VAC14: variants seen among roughly 807,000 people sequenced by gnomAD.
VAC14 encodes the protein VAC14 component of PIKFYVE complex.
VAC14 carries 47 observed loss-of-function variants against 85.3 expected under a neutral mutation model. That is an observed-to-expected ratio of 0.55 (90% CI 0.44 to 0.70). The LOEUF is 0.70. Ranked by LOEUF, VAC14 falls within the 30% of genes least tolerant of loss-of-function variation. The probability of loss-of-function intolerance (pLI) is 0.00; values close to 1 mark genes in which losing one functional copy is unlikely to be tolerated. For missense variants in VAC14, 861 were observed against 1,004.3 expected (o/e 0.86, Z 1.93); for synonymous variants, 447 against 430.5 (o/e 1.04, Z -0.47).
chr16:70,758,992 C>A (rs954021257), intron 12 of VAC14, among the ~76,000 whole-genome samples: 4 of 152,190 alleles, frequency 2.6e-5, no homozygotes, highest in African/African-American at 9.7e-5. Context: ...TGGAGACTAA[C>A]GAGGTGTCAC....
At chr16:70,691,327 G>T (rs2142983193) in intron 18 of VAC14, 1 of 985,464 alleles carries the variant, frequency 1.0e-6, no homozygotes, top group South Asian at 4.7e-5. Flanking sequence ...TCACAGGGAA[G>T]CAGCCCTTCC....
At chr16:70,746,220 G>A (rs936385021) in intron 12 of VAC14, among the ~76,000 whole-genome samples, 5 of 151,940 alleles carry the variant, frequency 3.3e-5, no homozygotes, top group African/African-American at 7.3e-5. Flanking sequence ...ACCCATTCCC[G>A]CCCCCTCAGT....
chr16:70,785,993 TCAAAGA>T, intron 2 of VAC14, 124 bp from the exon 3 acceptor site: 1 of 1,339,352 alleles, frequency 7.5e-7, no homozygotes, highest in East Asian at 2.5e-5. Context: ...AGGGCTGGGC[TCAAAGA>T]CCCTTCCCAA....
chr16:70,753,011 G>GTGTGTGTGTGTGTGTGTGTGTGTGTGT (rs1555521573), intron 12 of VAC14, among the ~76,000 whole-genome samples: 30 of 143,062 alleles, frequency 2.1e-4, no homozygotes, highest in African/African-American at 7.3e-4. Context: ...AGGAGGAGGG[G>GTGTGTGTGTGTGTGTGTGTGTGTGTGT]GTGTGTGTGT....
chr16:70,790,523 C>T (rs540029961), intron 1 of VAC14, among the ~76,000 whole-genome samples: 1 of 152,256 alleles, frequency 6.6e-6, no homozygotes, highest in Admixed American at 6.5e-5. Context: ...GGGCAGTCTG[C>T]CCCAGTGGGT....
chr16:70,793,640 T>C (rs898963127), intron 1 of VAC14, among the ~76,000 whole-genome samples: 1 of 152,204 alleles, frequency 6.6e-6, no homozygotes, highest in African/African-American at 2.4e-5. Flanking sequence ...TGTCCCAACC[T>C]CTGTCCTAGG....
intron 9 of VAC14, 25 bp from the exon 10 acceptor site, chr16:70,772,197 G>C (rs374606246): frequency 6.2e-7 from 1 of 1,606,558 alleles, no homozygotes; most frequent in Non-Finnish European, 8.5e-7. Context: ...GGAACAAGGG[G>C]TCATGAAAGG....
chr16:70,740,878 T>C (rs1353478469), intron 13 of VAC14, among the ~76,000 whole-genome samples: 1 of 151,998 alleles, frequency 6.6e-6, no homozygotes. Flanking sequence ...GAGAGGAAAA[T>C]CCCATGTGGG....
At position 70,744,552 on chromosome 16, in the gene VAC14, C is replaced by G; in HGVS notation, c.1399G>C (p.Ala467Pro). The G allele has an allele frequency of 1.2e-6, 2 of 1,606,692 alleles. No individual in the cohort carries two copies. The highest frequency in any genetic ancestry group is 1.7e-6 in the Non-Finnish European group (2 of 1,176,896). ...EVILKDLEVLAEIASSPAGQT... is the reference protein window; with the variant it reads ...EVILKDLEVLPEIASSPAGQT... The stretch of plus-strand genomic sequence containing the variant: ...CCTGCGGGGGAGGAAGCGATTTCTG[C>G]CAGCACCTCCAGGTCCTTCAGGATC... Residue 467 changes from alanine (A) to proline (P), a missense_variant, in exon 13 of 19, where the codon GCA (alanine) becomes CCA (proline). By Grantham distance (27) the Ala-to-Pro change is conservative. This residue lies in a region of VAC14 where 629 missense variants were observed against 703.1 expected (regional missense o/e 0.89). Transcript: ENST00000261776.
Position 70,694,641 on chromosome 16 carries a change from G to A in VAC14, c.2035+903C>T, listed in dbSNP as rs549634050. Among the ~76,000 whole-genome samples the A allele has an allele frequency of 4.6e-5, 7 of 152,328 alleles. No homozygotes were observed. In the East Asian group the frequency reaches 1.4e-3, roughly 29 times the overall value. ...AGAGGCCGGGTGGCCAGCTTGGCAG[G>A]GAAGGTGGCCACCAGCAGAGTGGCC... On this transcript the variant is annotated intron_variant, in intron 17 of 18. Transcript: ENST00000261776.
chr16:70,730,208 T>A (rs575389877), intron 14 of VAC14, among the ~76,000 whole-genome samples: 1 of 152,000 alleles, frequency 6.6e-6, no homozygotes, highest in African/African-American at 2.4e-5. Context: ...AGTCTCTGCT[T>A]GGACAACAGC....
intron 8 of VAC14, 74 bp downstream of exon 8, chr16:70,781,795 C>T: frequency 1.9e-6 from 3 of 1,565,816 alleles, no homozygotes; most frequent in African/African-American, 2.7e-5. Flanking sequence ...CCCCCAGCCC[C>T]CAGTGCAGGG....
chr16:70,800,662 G>C (rs1482869568), intron 1 of VAC14, 135 bp downstream of exon 1: 1 of 688,602 alleles, frequency 1.5e-6, no homozygotes, highest in Non-Finnish European at 2.4e-6. Flanking sequence ...CTCCCAATCT[G>C]CTCTTAAACA....
chr16:70,733,703 T>A (rs1597903607), intron 13 of VAC14, among the ~76,000 whole-genome samples: 1 of 152,196 alleles, frequency 6.6e-6, no homozygotes, highest in African/African-American at 2.4e-5. Context: ...ACTATGATTG[T>A]AAACTTCCTG....
At chr16:70,729,883 C>G (rs1044675560) in intron 14 of VAC14, among the ~76,000 whole-genome samples, 1 of 152,074 alleles carries the variant, frequency 6.6e-6, no homozygotes, top group African/African-American at 2.4e-5. Context: ...TATCTTGGGC[C>G]TCGGTACCCC....
Position 70,729,203 on chromosome 16 carries a change from G to A in VAC14, c.1661+2292C>T, listed in dbSNP as rs143199432. Among the ~76,000 whole-genome samples the A allele has an allele frequency of 1.8e-4, 28 of 152,298 alleles. No individual in the cohort carries two copies. The East Asian group carries it at 5.0e-3, about 27-fold the overall frequency. On this transcript the variant is annotated intron_variant, in intron 14 of 18. Transcript: ENST00000261776. Reference sequence around the variant, plus strand: ...GGATGCTGCTGACATCCTACAGGGCGCAGGACAGCTGCCATCCCGAAGAGC... The same window carrying A: ...GGATGCTGCTGACATCCTACAGGGCACAGGACAGCTGCCATCCCGAAGAGC...
intron 1 of VAC14, among the ~76,000 whole-genome samples, chr16:70,787,843 C>T (rs2034140648): frequency 6.6e-6 from 1 of 152,182 alleles, no homozygotes; most frequent in South Asian, 2.1e-4. Flanking sequence ...TGGGGAATCT[C>T]CAGTTAGAAG....
intron 1 of VAC14, among the ~76,000 whole-genome samples, chr16:70,794,940 T>C (rs1459043333): frequency 1.3e-5 from 2 of 152,206 alleles, no homozygotes; most frequent in African/African-American, 4.8e-5. Context: ...AAGATGATAA[T>C]GTTATATTTT....
chr16:70,688,043 C>T lies in VAC14; in HGVS notation c.2234G>A (p.Ser745Asn), dbSNP rs777902676. The T allele has an allele frequency of 1.9e-6, 3 of 1,600,084 alleles. No individual in the cohort carries two copies. The highest frequency in any genetic ancestry group is 2.2e-5 in the South Asian group (2 of 89,364). ...CTGCAGCAGCTCTGCGTAGTCGATG[C>T]TAGGGGAGTCAGCTTTCTGGGACTT... ...APKSQKADSP[S>N]IDYAELLQHF... Residue 745 changes from serine to asparagine, a missense_variant, in exon 19 of 19, where the codon AGC becomes AAC. Physicochemically the swap from Ser to Asn is conservative, Grantham distance 46. This residue lies in a region of VAC14 where 163 missense variants were observed against 162.2 expected (regional missense o/e 1.00). Transcript: ENST00000261776.
Sources: allele counts gnomAD v4.1 joint callset (sites outside exome capture counted in the v4.1 genomes callset), GRCh38; gene constraint gnomAD v4.1.1; regional missense constraint gnomAD v4.1.1; transcripts MANE v1.5; gene names NCBI Gene and HGNC (gene_info 2026-07-23, HGNC 2026-07-21).